Variants in IL4R observed in about 807,000 individuals in gnomAD.
IL4R encodes interleukin 4 receptor.
IL4R carries 17 observed loss-of-function variants against 41.5 expected under a neutral mutation model. That is an observed-to-expected ratio of 0.41 (90% CI 0.28 to 0.61). The LOEUF is 0.61. Among genes scored for constraint, IL4R ranks in the 20% least tolerant of loss-of-function variants. IL4R has a pLI of 0.31. For synonymous variants in IL4R, 402 were observed against 422.9 expected (o/e 0.95, Z 0.61); for missense variants, 974 against 1,043.1 (o/e 0.93, Z 0.91).
intron 7 of IL4R, 117 bp downstream of exon 7, chr16:27,352,813 A>G (rs2085924331): frequency 1.9e-6 from 2 of 1,040,238 alleles, no homozygotes; most frequent in South Asian, 3.0e-5. Flanking sequence ...CTCTAATGGC[A>G]ATCCTGCCAT....
At chr16:27,326,439 G>A (rs1223430824) in intron 1 of IL4R, among the ~76,000 whole-genome samples, 1 of 152,112 alleles carries the variant, frequency 6.6e-6, no homozygotes, top group Non-Finnish European at 1.5e-5. Flanking sequence ...GTTTGAGGTT[G>A]CAGTGAGCTA....
rs1375347282 is a variant in IL4R, at chr16:27,344,859, G to T, written c.210-10G>T. ...AGGTGACCAGCCTAACCCAGCCCCTGTGTCTGCAGAGCCCACACGTGTATC... is the reference window on the plus strand; with the variant it reads ...AGGTGACCAGCCTAACCCAGCCCCTTTGTCTGCAGAGCCCACACGTGTATC... On this transcript the variant is annotated splice_polypyrimidine_tract_variant and intron_variant, in intron 4 of 10. Transcript: ENST00000395762. The T allele has an allele frequency of 1.2e-6, 2 of 1,613,996 alleles. No homozygotes were observed. The highest frequency in any genetic ancestry group is 3.3e-5 in the Admixed American group (2 of 60,018).
Position 27,345,048 on chromosome 16 carries a change from G to A in IL4R, c.361+28G>A, listed in dbSNP as rs773075015. 3 of 1,602,020 alleles carry A rather than the reference G, an allele frequency of 1.9e-6. No individual in the cohort carries two copies. The highest frequency in any genetic ancestry group is 3.3e-5 in the Admixed American group (2 of 59,784). On this transcript the variant is annotated intron_variant, in intron 5 of 10. Coordinates refer to ENST00000395762, the MANE Select transcript of IL4R (RefSeq NM_000418.4). This position sits in a 1 kb window ranked among gnomAD's most constrained non-coding sequence, Gnocchi z 4.5. ...GAGCAGGGCGGAGTGCGGCAGGGGT[G>A]GCTGGGTGTGTTCCCACAGCTGCCT...
chr16:27,343,738 T>A lies in IL4R; in HGVS notation c.210-1131T>A, dbSNP rs955512162. On this transcript the variant is annotated intron_variant, in intron 4 of 10. Transcript: ENST00000395762. ...CCACTGAGCCCGGCCTCCTCCTTTA[T>A]CTTAATTGAAATAATTCAGAAATGG... Among the ~76,000 whole-genome samples, 40 of 152,296 alleles carry A rather than the reference T, an allele frequency of 2.6e-4. 1 individual carries two copies. The highest frequency in any genetic ancestry group is 2.6e-3 in the Admixed American group (40 of 15,294).
At chr16:27,335,042 G>A (rs746211510) in intron 2 of IL4R, among the ~76,000 whole-genome samples, 7 of 152,204 alleles carry the variant, frequency 4.6e-5, no homozygotes, top group South Asian at 2.1e-4. Flanking sequence ...CTGGCACTTC[G>A]TGAGGAGCAG....
chr16:27,324,651 G>C (rs963458035), intron 1 of IL4R, among the ~76,000 whole-genome samples: 4 of 152,228 alleles, frequency 2.6e-5, no homozygotes, highest in African/African-American at 9.6e-5. Context: ...GCTGGCTGCT[G>C]TTCCTGGGTA....
chr16:27,319,570 G>A (rs754618865), intron 1 of IL4R, among the ~76,000 whole-genome samples: 2 of 152,216 alleles, frequency 1.3e-5, no homozygotes, highest in Non-Finnish European at 2.9e-5. Context: ...AATGTGGGCA[G>A]CGCAGGACTG....
intron 4 of IL4R, among the ~76,000 whole-genome samples, chr16:27,344,024 G>A (rs908314792): frequency 6.6e-5 from 10 of 152,114 alleles, no homozygotes; most frequent in Admixed American, 1.3e-4. Context: ...TTGTAAGGCC[G>A]GGCACTGTGG....
At chr16:27,341,937 C>T (rs564292848) in intron 3 of IL4R, 184 bp from the exon 4 acceptor site, 12 of 595,398 alleles carry the variant, frequency 2.0e-5, no homozygotes, top group Non-Finnish European at 3.2e-5. Context: ...TCAGCTTCCA[C>T]AGTCATCCCG....
At chr16:27,321,839 T>G (rs2084820660) in intron 1 of IL4R, among the ~76,000 whole-genome samples, 1 of 152,192 alleles carries the variant, frequency 6.6e-6, no homozygotes, top group Non-Finnish European at 1.5e-5. Context: ...CTTTTTAAAT[T>G]TTTGAGACAG....
At chr16:27,336,228 C>A (rs905563610) in intron 2 of IL4R, among the ~76,000 whole-genome samples, 1 of 152,104 alleles carries the variant, frequency 6.6e-6, no homozygotes, top group African/African-American at 2.4e-5. Flanking sequence ...AACACAAAGC[C>A]TGTTTTGTTA....
chr16:27,344,305 GAA>G (rs1004430514), intron 4 of IL4R, among the ~76,000 whole-genome samples: 18 of 80,720 alleles, frequency 2.2e-4, no homozygotes, highest in African/African-American at 7.4e-4. Flanking sequence ...TTTGTCTCAG[GAA>G]AAAAAAACAA....
chr16:27,336,215 T>G (rs187883286), intron 2 of IL4R, among the ~76,000 whole-genome samples: 2 of 152,258 alleles, frequency 1.3e-5, no homozygotes, highest in Non-Finnish European at 2.9e-5. Context: ...GGCAAAGTCA[T>G]CTAACACAAA....
In IL4R at chr16:27,363,663, C is replaced by G; in HGVS notation, c.2311C>G (p.Leu771Val). 6.2e-7 allele frequency: 1 copy of G among 1,613,994 alleles called. No homozygotes were observed. Among genetic ancestry groups the G allele is most frequent in the South Asian group, 1.1e-5 (1 of 91,078 alleles). The change falls in exon 11 of 11, where the codon CTG becomes GTG. Residue 771 changes from leucine (L) to valine (V), a missense_variant. Around this residue, in one of 3 missense-constraint regions of IL4R, gnomAD observed 682 missense variants for 704.3 expected, o/e 0.97. Coordinates refer to ENST00000395762, the MANE Select transcript of IL4R (RefSeq NM_000418.4). ...APDPSPGGVP[L>V]EASLCPASLA... ...AGACCCCTCTCCAGGTGGGGTTCCA[C>G]TGGAGGCCAGTCTGTGTCCGGCCTC...
rs3024560 is a variant in IL4R at position 27,345,346 on chromosome 16, T to G, written c.361+326T>G. The G allele has an allele frequency of 0.37, 164,409 of 438,880 alleles. 31,402 individuals carry two copies. The highest frequency in any genetic ancestry group is 0.54 in the East Asian group (9,729 of 18,114). 27.2% of individuals were successfully genotyped at this position (438,880 alleles called of 1,614,324 possible). A position where few individuals can be genotyped will look rare whatever the true frequency, so the allele number is the denominator to read the frequency against. On this transcript the variant is annotated intron_variant, in intron 5 of 10. Coordinates refer to ENST00000395762, the MANE Select transcript of IL4R (RefSeq NM_000418.4). This position sits in a 1 kb window ranked among gnomAD's most constrained non-coding sequence, Gnocchi z 4.5. ...CTGATTGAAAACCGAACTGGGAACA[T>G]TCCTTCCATTCTGTGTCCACTGGTC...
chr16:27,320,213 C>G (rs899242278), intron 1 of IL4R, among the ~76,000 whole-genome samples: 1 of 152,214 alleles, frequency 6.6e-6, no homozygotes, highest in Non-Finnish European at 1.5e-5. Context: ...TGATCTGTCA[C>G]TGTCTCCCAT....
chr16:27,344,631 G>A (rs953764425), intron 4 of IL4R, among the ~76,000 whole-genome samples: 1 of 152,232 alleles, frequency 6.6e-6, no homozygotes, highest in Non-Finnish European at 1.5e-5. Context: ...CGGCAGCTAG[G>A]CAGGTGTGAG....
chr16:27,360,390 G>C (rs772698581), intron 9 of IL4R, among the ~76,000 whole-genome samples: 5 of 152,200 alleles, frequency 3.3e-5, no homozygotes, highest in African/African-American at 9.7e-5. Context: ...GCCGGCCCAG[G>C]CTTGTTTACA....
chr16:27,328,039 G>A (rs548793574), intron 1 of IL4R, among the ~76,000 whole-genome samples: 6 of 151,588 alleles, frequency 4.0e-5, no homozygotes, highest in African/African-American at 9.7e-5. Context: ...GTGAAATCCC[G>A]TTTCTACTAA....
Sources: gnomAD v4.1 joint callset for allele counts (sites outside exome capture counted in the v4.1 genomes callset) on GRCh38, gnomAD v4.1.1 for gene constraint, gnomAD v4.1.1 regional missense constraint, Gnocchi (gnomAD v3.1) non-coding constraint, MANE v1.5 for transcripts, NCBI Gene and HGNC (gene_info 2026-07-23, HGNC 2026-07-21) for gene names.